Variants in CMTM7 observed in about 807,000 individuals in gnomAD.
The protein encoded by CMTM7 is CKLF-like MARVEL transmembrane domain-containing protein 7.
CMTM7 carries 7 observed loss-of-function variants against 19.3 expected under a neutral mutation model. The observed-to-expected ratio is 0.36, with a 90% CI of 0.21 to 0.68. The LOEUF is 0.68. CMTM7 is among the 30% of genes least tolerant of loss of function. CMTM7 has a pLI of 0.60. For synonymous variants in CMTM7, 87 were observed against 99.3 expected (o/e 0.88, Z 0.74); for missense variants, 193 against 232.6 (o/e 0.83, Z 1.11).
chr3:32,426,964 C>T (rs1363387027), intron 1 of CMTM7, among the ~76,000 whole-genome samples: 1 of 152,196 alleles, frequency 6.6e-6, no homozygotes, highest in Non-Finnish European at 1.5e-5. Context: ...TACTTTGTGT[C>T]AAGCACAGTG....
intron 1 of CMTM7, among the ~76,000 whole-genome samples, chr3:32,392,704 T>C (rs1695858164): frequency 6.6e-6 from 1 of 152,020 alleles, no homozygotes; most frequent in Admixed American, 6.6e-5. Flanking sequence ...AGGGGGTCAG[T>C]TGGGAAAGGC....
Position 32,454,301 on chromosome 3 carries a change from A to G in CMTM7, c.*47A>G, listed in dbSNP as rs1178234371. Reference sequence around the variant, plus strand: ...CCTCAGGAGCTTTGCAGAGAGGAGGACGTGTACTCCAGGCGAGGCCTCTGG... The same window carrying G: ...CCTCAGGAGCTTTGCAGAGAGGAGGGCGTGTACTCCAGGCGAGGCCTCTGG... On this transcript the variant is annotated 3_prime_UTR_variant, in exon 5 of 5. Transcript: ENST00000334983. 2.5e-6 allele frequency: 4 copies of G among 1,612,764 alleles called. No homozygotes were observed. Among genetic ancestry groups the G allele is most frequent in the Non-Finnish European group, 2.5e-6 (3 of 1,178,864 alleles).
At chr3:32,437,280 G>T (rs998128276) in intron 1 of CMTM7, among the ~76,000 whole-genome samples, 1 of 151,976 alleles carries the variant, frequency 6.6e-6, no homozygotes, top group Non-Finnish European at 1.5e-5. Flanking sequence ...TTGAGTTGAG[G>T]GCTCTTGCAG....
At position 32,420,023 on chromosome 3, in the gene CMTM7, GGAAGAAGTATTT is replaced by G. The variant is rs1196065979; in HGVS notation, c.160-21814_160-21803del. On this transcript the variant is annotated intron_variant, in intron 1 of 4. Coordinates refer to ENST00000334983, the MANE Select transcript of CMTM7 (RefSeq NM_138410.4). ...CAGCTCAATTCAGGAACAGGATGTAGGAAGAAGTATTTGAGTCCAGTAGCTAGATTCAAATTG... is the reference window on the plus strand; with the variant it reads ...CAGCTCAATTCAGGAACAGGATGTAGGAGTCCAGTAGCTAGATTCAAATTG... Among the ~76,000 whole-genome samples, 4 of 152,302 alleles carry G rather than the reference GGAAGAAGTATTT, an allele frequency of 2.6e-5. No homozygotes were observed. The South Asian group carries it at 8.3e-4, about 32-fold the overall frequency.
chr3:32,447,581 A>G (rs557669654), intron 2 of CMTM7, among the ~76,000 whole-genome samples: 2 of 151,614 alleles, frequency 1.3e-5, no homozygotes, highest in African/African-American at 4.8e-5. Context: ...CATTTTTCTC[A>G]TTTTTCACTT....
At chr3:32,429,943 A>G (rs1355811378) in intron 1 of CMTM7, among the ~76,000 whole-genome samples, 2 of 152,156 alleles carry the variant, frequency 1.3e-5, no homozygotes, top group Non-Finnish European at 1.5e-5. Context: ...AATTTCAGCT[A>G]TGCACAAAAG....
rs1696684435 is a variant in CMTM7, at chr3:32,441,970, T to C, written c.290T>C (p.Phe97Ser). 4.3e-6 allele frequency: 7 copies of C among 1,614,198 alleles called. No individual in the cohort carries two copies. Among genetic ancestry groups the C allele is most frequent in the Non-Finnish European group, 5.9e-6 (7 of 1,180,044 alleles). Residue 97 changes from phenylalanine to serine, a missense_variant, in exon 2 of 5, where the codon TTC becomes TCC. Transcript: ENST00000334983. ...MILAFYLVHL[F>S]RFYRVLTCIS... ...CTCGCCTTTTACCTGGTCCACCTCT[T>C]CCGCTTCTACCGCGTGCTCACCTGT...
At chr3:32,444,025 G>A (rs1469860925) in intron 2 of CMTM7, among the ~76,000 whole-genome samples, 1 of 152,004 alleles carries the variant, frequency 6.6e-6, no homozygotes, top group African/African-American at 2.4e-5. Context: ...TCACTTTTTT[G>A]ATGGTGTCCT....
intron 1 of CMTM7, among the ~76,000 whole-genome samples, chr3:32,426,903 T>G (rs72857195): frequency 0.068 from 10,404 of 152,312 alleles, 1,178 homozygotes; most frequent in African/African-American, 0.23. Flanking sequence ...TAAATGTTAG[T>G]AGTTATTTCA....
chr3:32,403,955 A>G (rs953935481), intron 1 of CMTM7, among the ~76,000 whole-genome samples: 1 of 152,110 alleles, frequency 6.6e-6, no homozygotes, highest in Non-Finnish European at 1.5e-5. Flanking sequence ...TATTGAACGG[A>G]CTAAGTATAC....
chr3:32,433,215 T>C (rs1696546437), intron 1 of CMTM7, among the ~76,000 whole-genome samples: 1 of 152,214 alleles, frequency 6.6e-6, no homozygotes, highest in African/African-American at 2.4e-5. Flanking sequence ...TTCTTGCCCT[T>C]TTGGATGCAG....
chr3:32,399,572 G>C (rs1472063131), intron 1 of CMTM7, among the ~76,000 whole-genome samples: 1 of 152,106 alleles, frequency 6.6e-6, no homozygotes, highest in Non-Finnish European at 1.5e-5. Flanking sequence ...TCAGCTGTGG[G>C]GGATGTCAGC....
chr3:32,410,130 A>G (rs1224480703), intron 1 of CMTM7, among the ~76,000 whole-genome samples: 2 of 152,162 alleles, frequency 1.3e-5, no homozygotes, highest in African/African-American at 4.8e-5. Flanking sequence ...CCCCTCAGCT[A>G]AAGTAGTCCC....
chr3:32,411,705 G>A (rs1346924570), intron 1 of CMTM7, among the ~76,000 whole-genome samples: 3 of 152,220 alleles, frequency 2.0e-5, no homozygotes, highest in African/African-American at 7.2e-5. Context: ...TATGACACAC[G>A]TTTTGATGCT....
intron 1 of CMTM7, among the ~76,000 whole-genome samples, chr3:32,413,598 A>T (rs1049485709): frequency 6.6e-6 from 1 of 152,096 alleles, no homozygotes; most frequent in Non-Finnish European, 1.5e-5. Context: ...AGATTTTTTT[A>T]TTAGTGCAAC....
chr3:32,452,810 GTACGATCAGAGCTCAC>G (rs1027887616), intron 4 of CMTM7, among the ~76,000 whole-genome samples: 2 of 149,448 alleles, frequency 1.3e-5, no homozygotes, highest in Non-Finnish European at 3.0e-5. Flanking sequence ...TGGTGCAGTG[GTACGATCAGAGCTCAC>G]TGCAGCCTCC....
intron 1 of CMTM7, among the ~76,000 whole-genome samples, chr3:32,436,171 G>C (rs1696594572): frequency 6.6e-6 from 1 of 152,140 alleles, no homozygotes; most frequent in Non-Finnish European, 1.5e-5. Context: ...TTCATTTATA[G>C]ATACAAAACA....
At chr3:32,452,005 G>T (rs962574094) in intron 3 of CMTM7, 5 of 1,088,858 alleles carry the variant, frequency 4.6e-6, no homozygotes, top group Non-Finnish European at 6.2e-6. Context: ...CAAATCATGG[G>T]AACGTTCAGA....
chr3:32,396,244 G>T (rs1470457257), intron 1 of CMTM7, among the ~76,000 whole-genome samples: 1 of 152,020 alleles, frequency 6.6e-6, no homozygotes, highest in Non-Finnish European at 1.5e-5. Flanking sequence ...GGTGGGTCAT[G>T]CCTGTAATCC....
Sources: gnomAD v4.1 joint callset for allele counts (sites outside exome capture counted in the v4.1 genomes callset) on GRCh38, gnomAD v4.1.1 for gene constraint, MANE v1.5 for transcripts, NCBI Gene and HGNC (gene_info 2026-07-23, HGNC 2026-07-21) for gene names.